CLIP1: variants seen among roughly 807,000 people sequenced by gnomAD.
CLIP1 encodes CAP-Gly domain-containing linker protein 1.
In CLIP1, 66 loss-of-function variants were observed where a neutral mutation model predicts 161.6. The ratio of observed to expected loss-of-function variants is 0.41; its 90% CI spans 0.33 to 0.50. The LOEUF is 0.50. Ranked by LOEUF, CLIP1 falls within the 20% of genes least tolerant of loss-of-function variation. CLIP1 has a pLI of 0.27. For synonymous variants in CLIP1, 598 were observed against 626.2 expected (o/e 0.96, Z 0.67); for missense variants, 1,376 against 1,702.0 (o/e 0.81, Z 3.37).
chr12:122,317,521 G>A (rs942190441), intron 18 of CLIP1, among the ~76,000 whole-genome samples: 6 of 152,174 alleles, frequency 3.9e-5, no homozygotes, highest in South Asian at 4.1e-4. Flanking sequence ...CTGTCACTGG[G>A]ATGAGTGGGG....
At chr12:122,342,023 A>T (rs1182868794) in intron 10 of CLIP1, 2 of 166,532 alleles carry the variant, frequency 1.2e-5, no homozygotes, top group African/African-American at 4.8e-5. Flanking sequence ...ACCTCAGGTG[A>T]TCCACTCGCC....
At chr12:122,377,315 G>A (rs536632877) in intron 3 of CLIP1, 74 bp downstream of exon 3, 2 of 1,366,804 alleles carry the variant, frequency 1.5e-6, no homozygotes, top group East Asian at 2.3e-5. Flanking sequence ...GCCCTGATGT[G>A]TGTGTATTTC....
At chr12:122,372,418 G>GAA (rs372785821) in intron 3 of CLIP1, among the ~76,000 whole-genome samples, 9 of 137,698 alleles carry the variant, frequency 6.5e-5, no homozygotes, top group Admixed American at 7.3e-5. Flanking sequence ...CTGGTCTAAA[G>GAA]AAAAAAAAAA....
At position 122,363,660 on chromosome 12, in the gene CLIP1, C is replaced by T. The variant is rs151284757; in HGVS notation, c.782+323G>A. On this transcript the variant is annotated intron_variant, in intron 4 of 25. Transcript: ENST00000620786. Reference sequence around the variant, plus strand: ...CTTCTGCCCCCGCCCCCTCCCCAGACGCCCAGGTATTCTTTCAGAAGTCAA... The same window carrying T: ...CTTCTGCCCCCGCCCCCTCCCCAGATGCCCAGGTATTCTTTCAGAAGTCAA... Among the ~76,000 whole-genome samples the T allele has an allele frequency of 2.9e-3, 432 of 151,300 alleles. 1 individual carries two copies. Among genetic ancestry groups the T allele is most frequent in the African/African-American group, 1.0e-2 (411 of 41,196 alleles).
chr12:122,295,842 A>AT, intron 20 of CLIP1, among the ~76,000 whole-genome samples: 1 of 152,238 alleles, frequency 6.6e-6, no homozygotes, highest in Middle Eastern at 3.4e-3. Context: ...ATGGATTGAC[A>AT]TTTTTTCGTT....
intron 5 of CLIP1, among the ~76,000 whole-genome samples, chr12:122,357,273 G>A (rs186054012): frequency 8.4e-4 from 127 of 151,450 alleles, no homozygotes; most frequent in African/African-American, 2.8e-3. Context: ...TGTGAGGAGC[G>A]CCTCTACCTG....
In CLIP1 at chr12:122,362,184, T is replaced by C. The variant is rs182932948; in HGVS notation, c.783-1003A>G. On this transcript the variant is annotated intron_variant, in intron 4 of 25. Coordinates refer to ENST00000620786, the MANE Select transcript of CLIP1 (RefSeq NM_001247997.2). ...GGCCAGGATGGTCTCGAACTCCTGATCTCGTGATCTGCCCACCTTGGCCTC... is the reference window on the plus strand; with the variant it reads ...GGCCAGGATGGTCTCGAACTCCTGACCTCGTGATCTGCCCACCTTGGCCTC... 9.3e-3 allele frequency among the ~76,000 whole-genome samples: 1,410 copies of C among 150,848 alleles called. 20 individuals are homozygous for C. The highest frequency in any genetic ancestry group is 0.045 in the South Asian group (214 of 4,746).
chr12:122,375,934 T>C (rs1954704351), intron 3 of CLIP1, among the ~76,000 whole-genome samples: 1 of 151,318 alleles, frequency 6.6e-6, no homozygotes, highest in Admixed American at 6.6e-5. Flanking sequence ...AGACCCCATG[T>C]CCGGCTTATT....
intron 1 of CLIP1, among the ~76,000 whole-genome samples, chr12:122,398,884 A>G (rs1036414056): frequency 2.7e-5 from 4 of 146,736 alleles, no homozygotes; most frequent in African/African-American, 1.0e-4. Context: ...AAAGACACTT[A>G]TTATAGAAAA....
At chr12:122,334,535 G>A (rs938452313) in intron 13 of CLIP1, 113 bp downstream of exon 13, 2 of 728,546 alleles carry the variant, frequency 2.7e-6, no homozygotes, top group African/African-American at 1.8e-5. Context: ...GGAACTTCCA[G>A]GAGAGTGAAA....
At chr12:122,316,629 T>C (rs1359733607) in intron 19 of CLIP1, 120 bp downstream of exon 19, 9 of 624,810 alleles carry the variant, frequency 1.4e-5, no homozygotes, top group Non-Finnish European at 2.2e-5. Flanking sequence ...GGGTATGCAA[T>C]AGAGTCTGCA....
chr12:122,368,180 A>G lies in CLIP1; in HGVS notation c.658-4073T>C, dbSNP rs548061335. ...TGCTTTAGCAAACCTCAGATTTTTA[A>G]GTTCTCATTTATTTATTCAATATAT... is the stretch of plus-strand genomic sequence containing the variant. On this transcript the variant is annotated intron_variant, in intron 3 of 25. Coordinates refer to ENST00000620786, the MANE Select transcript of CLIP1 (RefSeq NM_001247997.2). 5.3e-5 allele frequency among the ~76,000 whole-genome samples: 8 copies of G among 152,316 alleles called. No individual in the cohort carries two copies. The East Asian group carries it at 9.6e-4, about 18-fold the overall frequency.
At chr12:122,368,949 A>G (rs778084523) in intron 3 of CLIP1, among the ~76,000 whole-genome samples, 4 of 152,142 alleles carry the variant, frequency 2.6e-5, no homozygotes, top group Non-Finnish European at 4.4e-5. Context: ...GGTATTTGCC[A>G]AATACAAATG....
rs189153568 is a variant in CLIP1 at position 122,407,477 on chromosome 12, G to A, written c.-107+15044C>T. Among the ~76,000 whole-genome samples, 5 of 152,124 alleles carry A rather than the reference G, an allele frequency of 3.3e-5. No individual in the cohort carries two copies. The East Asian group carries it at 9.7e-4, about 29-fold the overall frequency. On this transcript the variant is annotated intron_variant, in intron 1 of 25. Coordinates refer to ENST00000620786, the MANE Select transcript of CLIP1 (RefSeq NM_001247997.2). ...CAATCTCAGCACTTTGGGAGGCTGA[G>A]GCAGGAAGATCACTTGAGCCCAGGA... is the stretch of plus-strand genomic sequence containing the variant.
Position 122,364,048 on chromosome 12 carries a change from C to T in CLIP1, c.717G>A (p.Gly239=), listed in dbSNP as rs766568647. 6.2e-7 allele frequency: 1 copy of T among 1,614,108 alleles called. No individual in the cohort carries two copies. The highest frequency in any genetic ancestry group is 2.2e-5 in the East Asian group (1 of 44,882). Residue 239 remains glycine, a synonymous_variant, in exon 4 of 26, where the codon GGG becomes GGA. Coordinates refer to ENST00000620786, the MANE Select transcript of CLIP1 (RefSeq NM_001247997.2). The stretch of plus-strand genomic sequence containing the variant: ...CATCTAACTCCACGCCACACCACTC[C>T]CCCTTGGCAAAGTCGGTCTCCCCAA... ...RFLGETDFAK[G]EWCGVELDEP...
chr12:122,292,453 T>G (rs190346651), intron 20 of CLIP1, among the ~76,000 whole-genome samples: 42 of 152,340 alleles, frequency 2.8e-4, no homozygotes, highest in African/African-American at 1.0e-3. Flanking sequence ...TCCTCTCCAC[T>G]AATCTCTATT....
At chr12:122,283,796 G>C (rs1955742020) in intron 21 of CLIP1, among the ~76,000 whole-genome samples, 1 of 152,130 alleles carries the variant, frequency 6.6e-6, no homozygotes, top group Admixed American at 6.5e-5. Context: ...TTGGGAGTAA[G>C]TTCTGCACTT....
chr12:122,363,733 A>AT (rs1313728258), intron 4 of CLIP1, among the ~76,000 whole-genome samples: 8 of 151,048 alleles, frequency 5.3e-5, no homozygotes, highest in African/African-American at 1.5e-4. Flanking sequence ...GGTATTTCCT[A>AT]TTTTGAAAAA....
chr12:122,335,396 A>G (rs2136294047), intron 12 of CLIP1, among the ~76,000 whole-genome samples: 1 of 152,076 alleles, frequency 6.6e-6, no homozygotes, highest in East Asian at 1.9e-4. Context: ...TCAAGGTGGC[A>G]TGTCTTGTCC....
Sources: allele counts gnomAD v4.1 joint callset (sites outside exome capture counted in the v4.1 genomes callset), GRCh38; gene constraint gnomAD v4.1.1; transcripts MANE v1.5; gene names NCBI Gene and HGNC (gene_info 2026-07-23, HGNC 2026-07-21).